CNNM4: variants seen among roughly 807,000 people sequenced by gnomAD.
The protein encoded by CNNM4 is metal transporter CNNM4.
Under a neutral mutation model 53.7 loss-of-function variants are expected in CNNM4, and 32 were observed. That is an observed-to-expected ratio of 0.60 (90% CI 0.45 to 0.80). The LOEUF (loss-of-function observed/expected upper bound fraction) is 0.80, where lower values mean the gene tolerates loss of function less well. CNNM4 is among the 30% of genes least tolerant of loss of function. CNNM4 has a pLI of 0.00. For missense variants in CNNM4, 784 were observed against 1,022.0 expected, an observed-to-expected ratio of 0.77 and a Z score of 3.17; for synonymous variants, 410 against 440.0, an observed-to-expected ratio of 0.93 and a Z score of 0.85.
At chr2:96,784,673 T>A (rs2079001598) in intron 1 of CNNM4, among the ~76,000 whole-genome samples, 1 of 152,194 alleles carries the variant, frequency 6.6e-6, no homozygotes, top group African/African-American at 2.4e-5. Context: ...GAAGTCCCAT[T>A]TCTGTATCCC....
At chr2:96,774,894 G>C (rs1181318157) in intron 1 of CNNM4, among the ~76,000 whole-genome samples, 3 of 139,614 alleles carry the variant, frequency 2.1e-5, no homozygotes, top group Non-Finnish European at 4.6e-5. Context: ...CCAGGAGGTG[G>C]AAGTTGCAGT....
rs1449605665 is a variant in CNNM4 at position 96,797,536 on chromosome 2, G to A, written c.1570G>A (p.Val524Met). ...AGCTGACAACCGAAGCCGGAAGCGG[G>A]TGTCTGAGAAGAACAAGCGTGACTT... ...MYTDNRSRKR[V>M]SEKNKRDFSA... Residue 524 changes from valine (V) to methionine (M), a missense_variant, in exon 3 of 7, where the codon GTG (valine) becomes ATG (methionine). By Grantham distance (21) the Val-to-Met change is conservative. This residue lies in a region of CNNM4 where 307 missense variants were observed against 376.3 expected (regional missense o/e 0.82). Transcript: ENST00000377075. The surrounding 1 kb of genome is among the most constrained non-coding windows in gnomAD (Gnocchi z 6.0). 6.2e-7 allele frequency: 1 copy of A among 1,614,068 alleles called. No individual in the cohort carries two copies. The highest frequency in any genetic ancestry group is 2.2e-5 in the East Asian group (1 of 44,888).
At position 96,769,078 on chromosome 2, in the gene CNNM4, T is replaced by C. The variant is rs192143335; in HGVS notation, c.1402+6677T>C. 3.4e-3 allele frequency among the ~76,000 whole-genome samples: 516 copies of C among 151,932 alleles called. 3 individuals carry two copies. The highest frequency in any genetic ancestry group is 0.012 in the African/African-American group (485 of 41,412). On this transcript the variant is annotated intron_variant, in intron 1 of 6. Coordinates refer to ENST00000377075, the MANE Select transcript of CNNM4 (RefSeq NM_020184.4). ...CATCCTGGCTAACACGGTAAAACCC[T>C]GTCTCTACTAAAAATACAAAAAATT...
rs201310811 is a variant in CNNM4 at position 96,799,167 on chromosome 2, G to A, written c.1792G>A (p.Ala598Thr). 137 of 1,605,520 alleles carry A rather than the reference G, an allele frequency of 8.5e-5. No homozygotes were observed. In the African/African-American group the frequency reaches 1.0e-3, roughly 12 times the overall value. Residue 598 changes from alanine to threonine, a missense_variant, in exon 4 of 7, where the codon GCC (alanine) becomes ACC (threonine). By Grantham distance (58) the Ala-to-Thr change is moderately conservative (BLOSUM62 0). Around this residue, in one of 3 missense-constraint regions of CNNM4, gnomAD observed 307 missense variants for 376.3 expected, o/e 0.82. Transcript: ENST00000377075. ...LKFDEHNKYY[A>T]RHYLYTRNKP... Reference sequence around the variant, plus strand: ...GTTTGACGAGCACAATAAGTACTACGCCCGCCATTACCTGTACACCCGAAA... The same window carrying A: ...GTTTGACGAGCACAATAAGTACTACACCCGCCATTACCTGTACACCCGAAA...
At position 96,762,265 on chromosome 2, in the gene CNNM4, C is replaced by G. The variant is rs2078771683; in HGVS notation, c.1266C>G (p.Leu422=). Residue 422 remains leucine (L), a synonymous_variant, in exon 1 of 7, where the codon CTC becomes CTG. Transcript: ENST00000377075. ...EDEQSNIVDI[L]YVKDLAFVDP... Reference sequence around the variant, plus strand: ...AGCAGTCCAATATTGTAGATATTCTCTACGTCAAAGACTTGGCCTTTGTGG... The same window carrying G: ...AGCAGTCCAATATTGTAGATATTCTGTACGTCAAAGACTTGGCCTTTGTGG... 4 of 1,614,070 alleles carry G rather than the reference C, an allele frequency of 2.5e-6. No individual in the cohort carries two copies. The highest frequency in any genetic ancestry group is 1.3e-5 in the African/African-American group (1 of 74,928).
chr2:96,768,364 A>C (rs2078837231), intron 1 of CNNM4, among the ~76,000 whole-genome samples: 1 of 152,182 alleles, frequency 6.6e-6, no homozygotes, highest in South Asian at 2.1e-4. Flanking sequence ...ATCAGAGATG[A>C]ATAAAACTGC....
intron 1 of CNNM4, among the ~76,000 whole-genome samples, chr2:96,776,603 C>A (rs1316745044): frequency 2.0e-5 from 3 of 152,158 alleles, no homozygotes; most frequent in African/African-American, 7.2e-5. Context: ...CATTAATAAA[C>A]CTCTTTTCAT....
rs1423921363 is a variant in CNNM4, at chr2:96,809,542, C to T, written c.*25C>T. On this transcript the variant is annotated 3_prime_UTR_variant, in exon 7 of 7. Coordinates refer to ENST00000377075, the MANE Select transcript of CNNM4 (RefSeq NM_020184.4). ...ACAGGAGGGCCCGGGGCCCCCTGCC[C>T]ACCCTGCGGGGGCCTCCCCAGTGGG... 6.2e-7 allele frequency: 1 copy of T among 1,610,630 alleles called. No homozygotes were observed. Among genetic ancestry groups the T allele is most frequent in the Non-Finnish European group, 8.5e-7 (1 of 1,177,016 alleles).
intron 1 of CNNM4, among the ~76,000 whole-genome samples, chr2:96,780,132 A>C (rs776668554): frequency 6.6e-6 from 1 of 151,906 alleles, no homozygotes; most frequent in Admixed American, 6.6e-5. Context: ...GAATCTTCCA[A>C]TCTGTGAACA....
Position 96,800,346 on chromosome 2 carries a change from G to A in CNNM4, c.1948+698G>A, listed in dbSNP as rs1434377507. On this transcript the variant is annotated intron_variant, in intron 5 of 6. Coordinates refer to ENST00000377075, the MANE Select transcript of CNNM4 (RefSeq NM_020184.4). This position sits in a 1 kb window ranked among gnomAD's most constrained non-coding sequence, Gnocchi z 4.6. Reference sequence around the variant, plus strand: ...CCTCTCCAGGCTTCGGTCCTGGGGCGAGGTTGCTGCAGGGTAGAGAGAGAA... The same window carrying A: ...CCTCTCCAGGCTTCGGTCCTGGGGCAAGGTTGCTGCAGGGTAGAGAGAGAA... Among the ~76,000 whole-genome samples, 1 of 152,216 alleles carries A rather than the reference G, an allele frequency of 6.6e-6. No individual in the cohort carries two copies. Among genetic ancestry groups the A allele is most frequent in the African/African-American group, 2.4e-5 (1 of 41,456 alleles).
At chr2:96,767,121 A>G (rs1254424108) in intron 1 of CNNM4, among the ~76,000 whole-genome samples, 1 of 152,150 alleles carries the variant, frequency 6.6e-6, no homozygotes, top group Non-Finnish European at 1.5e-5. Flanking sequence ...GGCTAGGGGC[A>G]TCGATGCAGA....
At chr2:96,768,501 G>C (rs937088011) in intron 1 of CNNM4, among the ~76,000 whole-genome samples, 1 of 152,228 alleles carries the variant, frequency 6.6e-6, no homozygotes, top group Non-Finnish European at 1.5e-5. Flanking sequence ...TCTGAAGTGA[G>C]AGTAACTAGA....
intron 1 of CNNM4, among the ~76,000 whole-genome samples, chr2:96,790,046 G>T: frequency 1.9e-5 from 2 of 103,944 alleles, no homozygotes; most frequent in African/African-American, 3.9e-5. Context: ...TCTTGCTGTT[G>T]CCCAGGCTGG....
At position 96,799,164 on chromosome 2, in the gene CNNM4, T is replaced by A; in HGVS notation, c.1789T>A (p.Tyr597Asn). 6.2e-7 allele frequency: 1 copy of A among 1,612,442 alleles called. No homozygotes were observed. Among genetic ancestry groups the A allele is most frequent in the Non-Finnish European group, 8.5e-7 (1 of 1,179,940 alleles). The change falls in exon 4 of 7, where the codon TAC becomes AAC. Residue 597 changes from tyrosine to asparagine, a missense_variant. Physicochemically the swap from Tyr to Asn is moderately radical, Grantham distance 143. Transcript: ENST00000377075. ...ELKFDEHNKY[Y>N]ARHYLYTRNK... ...CAAGTTTGACGAGCACAATAAGTAC[T>A]ACGCCCGCCATTACCTGTACACCCG...
intron 5 of CNNM4, among the ~76,000 whole-genome samples, chr2:96,803,558 T>G (rs1208444364): frequency 3.3e-5 from 5 of 151,982 alleles, no homozygotes; most frequent in South Asian, 2.1e-4. Context: ...AAACCCCATC[T>G]CTACTAAAAA....
At chr2:96,790,874 C>T (rs1350236320) in intron 1 of CNNM4, among the ~76,000 whole-genome samples, 8 of 151,556 alleles carry the variant, frequency 5.3e-5, no homozygotes. Context: ...AATCCCAGCA[C>T]TTTGGGAGGT....
In CNNM4 at chr2:96,800,207, C is replaced by T. The variant is rs571103217; in HGVS notation, c.1948+559C>T. On this transcript the variant is annotated intron_variant, in intron 5 of 6. Transcript: ENST00000377075. The surrounding 1 kb of genome is among the most constrained non-coding windows in gnomAD (Gnocchi z 4.6). ...AGGTGTTATGGAAGGTCCGGGGATG[C>T]GCCACTCTGGCCGCCCCAGTGCCCT... 6.6e-6 allele frequency among the ~76,000 whole-genome samples: 1 copy of T among 152,164 alleles called. No individual in the cohort carries two copies. Among genetic ancestry groups the T allele is most frequent in the African/African-American group, 2.4e-5 (1 of 41,492 alleles).
At position 96,762,207 on chromosome 2, in the gene CNNM4, G is replaced by T. The variant is rs774411465; in HGVS notation, c.1208G>T (p.Ser403Ile). ...DFNTMSEIME[S>I]GYTRIPVFED... ...AACACCATGTCGGAGATAATGGAAA[G>T]CGGCTATACTCGCATCCCGGTGTTC... Residue 403 changes from serine to isoleucine, a missense_variant, in exon 1 of 7, where the codon AGC becomes ATC. Ser to Ile is a moderately radical substitution (Grantham distance 142). Coordinates refer to ENST00000377075, the MANE Select transcript of CNNM4 (RefSeq NM_020184.4). 1.2e-6 allele frequency: 2 copies of T among 1,614,176 alleles called. No individual in the cohort carries two copies. Among genetic ancestry groups the T allele is most frequent in the Non-Finnish European group, 1.7e-6 (2 of 1,180,044 alleles).
At chr2:96,804,347 A>G (rs1215264277) in intron 5 of CNNM4, among the ~76,000 whole-genome samples, 2 of 147,366 alleles carry the variant, frequency 1.4e-5, no homozygotes, top group Admixed American at 1.4e-4. Flanking sequence ...CTCCTGCCTC[A>G]GCTTCCCGAG....
Sources: allele counts gnomAD v4.1 joint callset (sites outside exome capture counted in the v4.1 genomes callset), GRCh38; gene constraint gnomAD v4.1.1; regional missense constraint gnomAD v4.1.1; non-coding constraint Gnocchi (gnomAD v3.1); transcripts MANE v1.5; gene names NCBI Gene and HGNC (gene_info 2026-07-23, HGNC 2026-07-21).